Variants in NUP210L observed in about 807,000 individuals in gnomAD.
The protein encoded by NUP210L is nucleoporin 210 like, also known as nuclear pore membrane glycoprotein 210-like.
In NUP210L, 74 loss-of-function variants were observed where a neutral mutation model predicts 208.5. That is an observed-to-expected ratio of 0.35 (90% CI 0.29 to 0.43). The LOEUF (loss-of-function observed/expected upper bound fraction) is 0.43. Among genes scored for constraint, NUP210L ranks in the 20% least tolerant of loss-of-function variants. The pLI, the probability that NUP210L is intolerant of heterozygous loss-of-function variation, is 1.00. For missense variants in NUP210L, 1,843 were observed against 2,289.4 expected (o/e 0.81, Z 3.98); for synonymous variants, 780 against 816.9 (o/e 0.95, Z 0.77).
At chr1:154,120,061 T>C (rs1429472579) in intron 10 of NUP210L, among the ~76,000 whole-genome samples, 1 of 152,216 alleles carries the variant, frequency 6.6e-6, no homozygotes, top group Non-Finnish European at 1.5e-5. Flanking sequence ...ACCTGTTGTT[T>C]CCTGACTTTT....
Position 154,061,047 on chromosome 1 carries a change from C to A in NUP210L, c.2644-1G>T. ...CAGATCTGGGCAAGTTGGAAATTTC[C>A]TAGAAATATAATAAGAACCACAAAA... is the stretch of plus-strand genomic sequence containing the variant. On this transcript the variant is annotated splice_acceptor_variant, in intron 18 of 39. Transcript: ENST00000368559. LOFTEE classifies it high-confidence loss of function. 6.3e-7 allele frequency: 1 copy of A among 1,599,742 alleles called. No homozygotes were observed. Among genetic ancestry groups the A allele is most frequent in the Non-Finnish European group, 8.6e-7 (1 of 1,167,612 alleles).
At chr1:154,138,606 C>T (rs946017166) in intron 5 of NUP210L, among the ~76,000 whole-genome samples, 2 of 152,208 alleles carry the variant, frequency 1.3e-5, no homozygotes, top group Non-Finnish European at 2.9e-5. Context: ...TTACTTTCCA[C>T]TCTCTGTTGA....
Position 154,138,311 on chromosome 1 carries a change from A to AT in NUP210L, c.718-74_718-73insA, listed in dbSNP as rs991852061. 6.7e-6 allele frequency: 9 copies of AT among 1,342,538 alleles called. No homozygotes were observed. The African/African-American group carries it at 1.4e-4, about 21-fold the overall frequency. The allele number at this position is 1,342,538 out of a possible 1,614,324, so 83.2% of individuals were successfully genotyped here. ...ACCCTCACAGTCATCTTTCTTGTTA[A>AT]AAGCTTACTTCTTTTAAACTTCTTT... is the stretch of plus-strand genomic sequence containing the variant. On this transcript the variant is annotated intron_variant, in intron 5 of 39. Transcript: ENST00000368559.
At chr1:154,112,872 A>AG (rs1657111585) in intron 12 of NUP210L, among the ~76,000 whole-genome samples, 1 of 151,360 alleles carries the variant, frequency 6.6e-6, no homozygotes, top group Non-Finnish European at 1.5e-5. Context: ...AAAAAAAAAA[A>AG]AAGGCCAGGT....
intron 31 of NUP210L, among the ~76,000 whole-genome samples, chr1:154,022,675 CTTTT>C (rs375659718): frequency 8.7e-6 from 1 of 115,010 alleles, no homozygotes; most frequent in African/African-American, 3.2e-5. Flanking sequence ...TAAGTCTGGT[CTTTT>C]TTTTTTTTTT....
chr1:153,996,848 C>CTTTT (rs747835495), intron 37 of NUP210L, among the ~76,000 whole-genome samples: 17 of 103,726 alleles, frequency 1.6e-4, no homozygotes, highest in East Asian at 2.7e-4. Context: ...GTAGACTTGC[C>CTTTT]TTTTTTTTTT....
chr1:154,080,237 G>A (rs1655249748), intron 16 of NUP210L, among the ~76,000 whole-genome samples: 1 of 151,958 alleles, frequency 6.6e-6, no homozygotes, highest in Non-Finnish European at 1.5e-5. Context: ...GCGCATGCCT[G>A]TAATCCCAGC....
intron 2 of NUP210L, among the ~76,000 whole-genome samples, chr1:154,147,211 T>C (rs576380055): frequency 1.3e-5 from 2 of 152,310 alleles, no homozygotes; most frequent in East Asian, 3.9e-4. Flanking sequence ...GCTGATATCA[T>C]GAACCCCATG....
intron 35 of NUP210L, 70 bp from the exon 36 acceptor site, chr1:154,002,055 G>A (rs1650252617): frequency 2.0e-6 from 3 of 1,503,964 alleles, no homozygotes; most frequent in Non-Finnish European, 2.7e-6. Flanking sequence ...AATTAGGATA[G>A]GAAGGGAAAA....
At chr1:154,020,481 T>G (rs1224149622) in intron 32 of NUP210L, among the ~76,000 whole-genome samples, 1 of 152,018 alleles carries the variant, frequency 6.6e-6, no homozygotes, top group African/African-American at 2.4e-5. Context: ...CTCCCAATAG[T>G]TGGGACCAGA....
At chr1:154,013,048 G>A (rs1473145969) in intron 33 of NUP210L, among the ~76,000 whole-genome samples, 27 of 147,292 alleles carry the variant, frequency 1.8e-4, no homozygotes, top group Non-Finnish European at 3.0e-4. Context: ...TTGGCCAGGC[G>A]CGGTGGCTCA....
Position 154,131,955 on chromosome 1 carries a change from G to A in NUP210L, c.1010-2610C>T, listed in dbSNP as rs144645836. 6.6e-5 allele frequency among the ~76,000 whole-genome samples: 10 copies of A among 152,082 alleles called. No homozygotes were observed. The East Asian group carries it at 1.9e-3, about 29-fold the overall frequency. ...CTCCCGAGTAGCTGGGATTACAGGC[G>A]TGCATCACCACGCCCTGCTAATTTT... On this transcript the variant is annotated intron_variant, in intron 7 of 39. Coordinates refer to ENST00000368559, the Ensembl canonical transcript of NUP210L.
At chr1:154,026,392 AGGCTGGAGTTCAAT>A (rs1318512509) in intron 29 of NUP210L, among the ~76,000 whole-genome samples, 1 of 152,082 alleles carries the variant, frequency 6.6e-6, no homozygotes, top group African/African-American at 2.4e-5. Flanking sequence ...TTTGTTGCCC[AGGCTGGAGTTCAAT>A]GGCGTGATCT....
chr1:154,091,069 CTGTTATTAT>C (rs902697505), intron 15 of NUP210L, among the ~76,000 whole-genome samples: 5 of 97,084 alleles, frequency 5.2e-5, no homozygotes, highest in Non-Finnish European at 8.0e-5. Flanking sequence ...ATTATTATTG[CTGTTATTAT>C]TATTATTATT....
intron 35 of NUP210L, among the ~76,000 whole-genome samples, chr1:154,006,966 A>ATATATATTTT (rs1211789619): frequency 6.0e-5 from 7 of 115,810 alleles, no homozygotes; most frequent in African/African-American, 2.3e-4. Flanking sequence ...ATATATATAT[A>ATATATATTTT]TTTTTTTTTT....
At chr1:154,023,051 T>G in intron 31 of NUP210L, 71 bp downstream of exon 31, 5 of 1,332,402 alleles carry the variant, frequency 3.8e-6, no homozygotes, top group Non-Finnish European at 5.2e-6. Context: ...TTACTGGAGC[T>G]GCTATATAAT....
rs151119528 is a variant in NUP210L at position 154,010,870 on chromosome 1, C to CAAATAAATAAAT, written c.4781-761_4781-750dup. On this transcript the variant is annotated intron_variant, in intron 34 of 39. Transcript: ENST00000368559. The stretch of plus-strand genomic sequence containing the variant: ...TGGCAACAAGAGCGAAACTCCGTCT[C>CAAATAAATAAAT]AAATAAATAAATAAATAAATAAATA... 5.9e-5 allele frequency among the ~76,000 whole-genome samples: 9 copies of CAAATAAATAAAT among 151,472 alleles called. 1 individual carries two copies. Among genetic ancestry groups the CAAATAAATAAAT allele is most frequent in the African/African-American group, 2.2e-4 (9 of 41,320 alleles).
At chr1:154,136,312 C>A (rs934817423) in intron 6 of NUP210L, among the ~76,000 whole-genome samples, 9 of 151,718 alleles carry the variant, frequency 5.9e-5, no homozygotes, top group Admixed American at 4.6e-4. Context: ...ATTAGCCGGG[C>A]GTGATGGCGT....
chr1:154,054,189 A>G (rs772579500), intron 25 of NUP210L, 39 bp downstream of exon 25: 10 of 1,606,692 alleles, frequency 6.2e-6, no homozygotes, highest in Admixed American at 1.7e-5. Flanking sequence ...TGGTTCCTCA[A>G]TAGAAGAATA....
Sources: gnomAD v4.1 joint callset for allele counts (sites outside exome capture counted in the v4.1 genomes callset) on GRCh38, gnomAD v4.1.1 for gene constraint, MANE v1.5 for transcripts, NCBI Gene and HGNC (gene_info 2026-07-23, HGNC 2026-07-21) for gene names.